The following DNAH3 variants were observed in gnomAD, a reference collection of about 807,000 sequenced individuals.
The protein encoded by DNAH3 is dynein axonemal heavy chain 3, also known as axonemal beta dynein heavy chain 3.
Under a neutral mutation model 432.5 loss-of-function variants are expected in DNAH3, and 332 were observed. That is an observed-to-expected ratio of 0.77 (90% CI 0.70 to 0.84). The LOEUF (loss-of-function observed/expected upper bound fraction) is 0.84, where lower values mean the gene tolerates loss of function less well. DNAH3 is among the 40% of genes least tolerant of loss of function. The pLI is 0.00. For missense variants in DNAH3, 4,861 were observed against 5,114.0 expected, an observed-to-expected ratio of 0.95 and a Z score of 1.51; for synonymous variants, 1,956 against 1,900.2, an observed-to-expected ratio of 1.03 and a Z score of -0.76.
chr16:20,990,882 G>A (rs1022814194), intron 44 of DNAH3, among the ~76,000 whole-genome samples: 10 of 152,014 alleles, frequency 6.6e-5, no homozygotes, highest in African/African-American at 1.9e-4. Context: ...TTAGCCAGGC[G>A]TGGTAGCGGG....
intron 52 of DNAH3, among the ~76,000 whole-genome samples, chr16:20,967,544 C>T (rs1331321145): frequency 7.4e-6 from 1 of 135,086 alleles, no homozygotes; most frequent in African/African-American, 2.9e-5. Context: ...TTCTTGTTGC[C>T]CAGGCTGGAG....
At chr16:20,979,659 C>T (rs937095853) in intron 49 of DNAH3, 113 bp from the exon 50 acceptor site, 20 of 906,956 alleles carry the variant, frequency 2.2e-5, no homozygotes, top group Admixed American at 1.3e-4. Flanking sequence ...GACTGTGACA[C>T]GTTAGAATCC....
exon 9 of DNAH3, chr16:21,125,360 T>A (rs755736119): frequency 1.2e-6 from 2 of 1,603,674 alleles, no homozygotes; most frequent in Non-Finnish European, 1.7e-6. Context: ...TGGGCGCAGG[T>A]GGGGATCCAC....
intron 15 of DNAH3, among the ~76,000 whole-genome samples, chr16:21,104,966 C>T (rs1275140002): frequency 6.6e-6 from 1 of 152,162 alleles, no homozygotes; most frequent in African/African-American, 2.4e-5. Flanking sequence ...TTGATGCTCT[C>T]GTTCCACAGT....
At chr16:21,079,721 C>G (rs1411855993) in intron 20 of DNAH3, among the ~76,000 whole-genome samples, 1 of 152,196 alleles carries the variant, frequency 6.6e-6, no homozygotes, top group Non-Finnish European at 1.5e-5. Flanking sequence ...TAGCTAGTGT[C>G]TCTTGGAAAC....
intron 1 of DNAH3, among the ~76,000 whole-genome samples, chr16:21,153,556 G>A (rs575030579): frequency 3.3e-5 from 5 of 152,286 alleles, no homozygotes; most frequent in Non-Finnish European, 4.4e-5. Flanking sequence ...GTGGCAAGCC[G>A]CTTGATCCCC....
chr16:21,148,848 C>G (rs1213240350), intron 1 of DNAH3, among the ~76,000 whole-genome samples: 1 of 152,094 alleles, frequency 6.6e-6, no homozygotes, highest in Non-Finnish European at 1.5e-5. Flanking sequence ...GTTTTCCTGG[C>G]AATAAATGGC....
chr16:20,951,845 A>G (rs2084330230), intron 56 of DNAH3, among the ~76,000 whole-genome samples: 1 of 149,958 alleles, frequency 6.7e-6, no homozygotes, highest in Non-Finnish European at 1.5e-5. Flanking sequence ...ACTTCATGCA[A>G]TTCTCCTGTC....
At chr16:21,058,868 A>G (rs984979389) in intron 26 of DNAH3, among the ~76,000 whole-genome samples, 1 of 152,196 alleles carries the variant, frequency 6.6e-6, no homozygotes, top group African/African-American at 2.4e-5. Context: ...GGAGAACATT[A>G]GGACAAATAC....
At chr16:21,100,247 T>C (rs2091802520) in intron 16 of DNAH3, among the ~76,000 whole-genome samples, 1 of 152,124 alleles carries the variant, frequency 6.6e-6, no homozygotes, top group Non-Finnish European at 1.5e-5. Context: ...AATTTTTGTA[T>C]TTTTCATAGA....
chr16:21,054,037 T>C (rs2090047813), intron 28 of DNAH3, among the ~76,000 whole-genome samples: 1 of 152,130 alleles, frequency 6.6e-6, no homozygotes, highest in African/African-American at 2.4e-5. Context: ...AGGTTCTGAA[T>C]CTGTGAAATA....
At chr16:20,946,180 A>C (rs2084037957) in intron 57 of DNAH3, among the ~76,000 whole-genome samples, 1 of 152,122 alleles carries the variant, frequency 6.6e-6, no homozygotes, top group Non-Finnish European at 1.5e-5. Flanking sequence ...AAACATTTAC[A>C]ATCTATTCTC....
chr16:21,143,639 G>C (rs1406563762), intron 3 of DNAH3, among the ~76,000 whole-genome samples: 1 of 152,172 alleles, frequency 6.6e-6, no homozygotes, highest in African/African-American at 2.4e-5. Context: ...TCATGATCTT[G>C]AACATTTGGG....
intron 19 of DNAH3, among the ~76,000 whole-genome samples, chr16:21,085,026 G>A (rs1269295223): frequency 2.7e-5 from 4 of 149,420 alleles, no homozygotes; most frequent in East Asian, 2.0e-4. Context: ...GAGGCACCCC[G>A]TGAGCACCAG....
chr16:21,022,085 T>C (rs2088263313), exon 40 of DNAH3: 1 of 1,614,046 alleles, frequency 6.2e-7, no homozygotes, highest in South Asian at 1.1e-5. Context: ...ACAAGCCACA[T>C]GAACATGTCA....
At chr16:21,141,356 T>C in exon 4 of DNAH3, 1 of 1,589,916 alleles carries the variant, frequency 6.3e-7, no homozygotes, top group Non-Finnish European at 8.6e-7. Context: ...TCATGGGCTC[T>C]GATGAGCTTC....
intron 20 of DNAH3, among the ~76,000 whole-genome samples, chr16:21,080,569 T>C (rs1008510799): frequency 1.3e-5 from 2 of 152,212 alleles, no homozygotes; most frequent in African/African-American, 2.4e-5. Context: ...ATGTGGCCAG[T>C]GGATGCTGCT....
rs745886400 is a variant in DNAH3, at chr16:21,082,278, C to A, written c.2878-551G>T. On this transcript the variant is annotated intron_variant, in intron 19 of 61. Coordinates refer to ENST00000261383, the Ensembl canonical transcript of DNAH3. ...TGATCATGACTCACTGCAGCCTTGACCTCCCAGGCTCAAGTGGTCCTCCTC... is the reference window on the plus strand; with the variant it reads ...TGATCATGACTCACTGCAGCCTTGAACTCCCAGGCTCAAGTGGTCCTCCTC... Among the ~76,000 whole-genome samples, 115 of 152,164 alleles carry A rather than the reference C, an allele frequency of 7.6e-4. 3 individuals are homozygous for A. The highest frequency in any genetic ancestry group is 4.4e-4 in the Non-Finnish European group (30 of 67,994).
chr16:20,987,710 G>A lies in DNAH3; in HGVS notation c.6865C>T (p.Pro2289Ser). Reference sequence around the variant, plus strand: ...TGGCTGACCTGCAGGTGTGTGTGAGGGCACAGCAGGACCCCTTGAATCACT... The same window carrying A: ...TGGCTGACCTGCAGGTGTGTGTGAGAGCACAGCAGGACCCCTTGAATCACT... The change falls in exon 46 of 62, where the codon CCT becomes TCT. Residue 2289 changes from proline to serine, a missense_variant. Pro to Ser is a moderately conservative substitution (Grantham distance 74). Coordinates refer to ENST00000261383, the Ensembl canonical transcript of DNAH3. 2.6e-5 allele frequency: 42 copies of A among 1,614,016 alleles called. No individual in the cohort carries two copies. The highest frequency in any genetic ancestry group is 3.3e-5 in the Non-Finnish European group (39 of 1,179,944).
Sources: gnomAD v4.1 joint callset for allele counts (sites outside exome capture counted in the v4.1 genomes callset) on GRCh38, gnomAD v4.1.1 for gene constraint, MANE v1.5 for transcripts, NCBI Gene and HGNC (gene_info 2026-07-23, HGNC 2026-07-21) for gene names.